The following EIF4G1 variants were observed in gnomAD, a reference collection of about 807,000 sequenced individuals.
The protein encoded by EIF4G1 is eukaryotic translation initiation factor 4 gamma 1.
Under a neutral mutation model 187.8 loss-of-function variants are expected in EIF4G1, and 4 were observed. The observed-to-expected ratio is 0.02, with a 90% confidence interval of 0.01 to 0.05. EIF4G1 has a LOEUF of 0.05. Among genes scored for constraint, EIF4G1 ranks in the 10% least tolerant of loss-of-function variants. The probability of loss-of-function intolerance (pLI) is 1.00; values close to 1 mark genes in which losing one functional copy is unlikely to be tolerated. For synonymous variants in EIF4G1, 844 were observed against 781.4 expected (o/e 1.08, Z -1.34); for missense variants, 1,647 against 2,081.1 (o/e 0.79, Z 4.06).
At chr3:184,320,857 G>A (rs746599736) in intron 8 of EIF4G1, 70 bp from the exon 9 acceptor site, 1 of 1,609,260 alleles carries the variant, frequency 6.2e-7, no homozygotes, top group Non-Finnish European at 8.5e-7. Flanking sequence ...AGCTAAAGTA[G>A]AAATGGCTCT....
At position 184,326,516 on chromosome 3, in the gene EIF4G1, T is replaced by G. The variant is rs763857658; in HGVS notation, c.3223-11T>G. On this transcript the variant is annotated splice_polypyrimidine_tract_variant and intron_variant, in intron 21 of 32. Transcript: ENST00000346169. The stretch of plus-strand genomic sequence containing the variant: ...TTGGACCTATGATTCTACTCCCCTT[T>G]TCTTCTTCAGCCTGGCTCCATCGAT... 6.2e-7 allele frequency: 1 copy of G among 1,613,714 alleles called. No homozygotes were observed. The highest frequency in any genetic ancestry group is 1.3e-5 in the African/African-American group (1 of 75,050).
At position 184,323,632 on chromosome 3, in the gene EIF4G1, TCTC is replaced by T. The variant is rs771363328; in HGVS notation, c.2274+41_2274+43del. On this transcript the variant is annotated intron_variant, in intron 15 of 32. Coordinates refer to ENST00000346169, the MANE Select transcript of EIF4G1 (RefSeq NM_198241.3). This position sits in a 1 kb window ranked among gnomAD's most constrained non-coding sequence, Gnocchi z 6.9. ...CTGCTTTTGGTCTCTCTCCATTTCT[TCTC>T]CAGGTCTGCCATCTGTGCCCTCTTT... The T allele has an allele frequency of 9.5e-5, 154 of 1,613,144 alleles. 1 individual carries two copies. The African/African-American group carries it at 1.7e-3, about 18-fold the overall frequency.
chr3:184,328,106 G>A (rs746137166), intron 26 of EIF4G1, 104 bp downstream of exon 26: 62 of 1,376,936 alleles, frequency 4.5e-5, no homozygotes, highest in Non-Finnish European at 5.3e-5. Flanking sequence ...TTCCCTGGCC[G>A]GGTGTGGTGG....
intron 6 of EIF4G1, among the ~76,000 whole-genome samples, chr3:184,318,998 C>T (rs552644191): frequency 3.9e-4 from 59 of 151,096 alleles, no homozygotes; most frequent in Non-Finnish European, 6.9e-4. Context: ...CGCTTGAACC[C>T]GGGATGTGGA....
chr3:184,334,724 C>T lies in EIF4G1; in HGVS notation c.4619-3C>T. ...CTCTAACTGCTGTCCCGCCTGCTTG[C>T]AGACCTGCTGCGGATGTTCTTTGAC... is the stretch of plus-strand genomic sequence containing the variant. On this transcript the variant is annotated splice_region_variant and splice_polypyrimidine_tract_variant and intron_variant, in intron 32 of 32. Coordinates refer to ENST00000346169, the MANE Select transcript of EIF4G1 (RefSeq NM_198241.3). The surrounding 1 kb of genome is among the most constrained non-coding windows in gnomAD (Gnocchi z 5.8). The T allele has an allele frequency of 6.2e-7, 1 of 1,614,186 alleles. No individual in the cohort carries two copies. Among genetic ancestry groups the T allele is most frequent in the Non-Finnish European group, 8.5e-7 (1 of 1,180,026 alleles).
Position 184,331,969 on chromosome 3 carries a change from G to A in EIF4G1, c.4501G>A (p.Val1501Ile), listed in dbSNP as rs1365874106. 5.0e-6 allele frequency: 8 copies of A among 1,614,062 alleles called. No homozygotes were observed. The highest frequency in any genetic ancestry group is 1.1e-5 in the South Asian group (1 of 91,086). Residue 1501 changes from valine to isoleucine, a missense_variant, in exon 32 of 33, where the codon GTT (valine) becomes ATT (isoleucine). By Grantham distance (29) the Val-to-Ile change is conservative. This residue lies in a region of EIF4G1 where 543 missense variants were observed against 638.0 expected (regional missense o/e 0.85). Transcript: ENST00000346169. Reference sequence around the variant, plus strand: ...AGTTGAGACTCCCCTCCGAGTGGACGTTGCAGTGCTGAAAGCGCGAGCGAA... The same window carrying A: ...AGTTGAGACTCCCCTCCGAGTGGACATTGCAGTGCTGAAAGCGCGAGCGAA... Reference protein sequence around the residue: ...IIFETPLRVDVAVLKARAKLL... With the variant: ...IIFETPLRVDIAVLKARAKLL...
chr3:184,327,440 G>T lies in EIF4G1; in HGVS notation c.3653G>T (p.Arg1218Leu). ...ASLTEDRDRG[R>L]DAVKREAALP... ...CTCACGGAGGATCGGGACCGTGGGC[G>T]GGATGCCGGTGAGAGTCTGGGAGAG... The change falls in exon 24 of 33, where the codon CGG becomes CTG. Residue 1218 changes from arginine (R) to leucine (L), a missense_variant. Transcript: ENST00000346169. The T allele has an allele frequency of 6.2e-7, 1 of 1,613,592 alleles. No individual in the cohort carries two copies. The highest frequency in any genetic ancestry group is 8.5e-7 in the Non-Finnish European group (1 of 1,179,908).
chr3:184,331,198 G>T, intron 28 of EIF4G1, 68 bp from the exon 29 acceptor site: 1 of 1,510,856 alleles, frequency 6.6e-7, no homozygotes, highest in East Asian at 2.3e-5. Flanking sequence ...TTGGATTAAT[G>T]TGGTAGAGCT....
Position 184,321,550 on chromosome 3 carries a change from A to T in EIF4G1, c.966A>T (p.Glu322Asp). 6.2e-7 allele frequency: 1 copy of T among 1,614,210 alleles called. No homozygotes were observed. The highest frequency in any genetic ancestry group is 8.5e-7 in the Non-Finnish European group (1 of 1,180,034). ...CTCCAGAACCCACTCCTCTCGCCGA[A>T]CCCATACTGGAAGTAGAAGTGACAC... ...RLSPEPTPLA[E>D]PILEVEVTLS... The change falls in exon 10 of 33, where the codon GAA (glutamate) becomes GAT (aspartate). Residue 322 changes from glutamate (E) to aspartate (D), a missense_variant. By Grantham distance (45) the Glu-to-Asp change is conservative (BLOSUM62 2). Transcript: ENST00000346169.
rs137991427 is a variant in EIF4G1 at position 184,333,074 on chromosome 3, A to G, written c.4618+988A>G. Among the ~76,000 whole-genome samples, 4 of 152,228 alleles carry G rather than the reference A, an allele frequency of 2.6e-5. No individual in the cohort carries two copies. The East Asian group carries it at 5.8e-4, about 22-fold the overall frequency. On this transcript the variant is annotated intron_variant, in intron 32 of 32. Coordinates refer to ENST00000346169, the MANE Select transcript of EIF4G1 (RefSeq NM_198241.3). ...CACCAGTGGCTCAGCCTTGCTGGTGATGGTGGAGAGGAGTAGGCAGATCAA... is the reference window on the plus strand; with the variant it reads ...CACCAGTGGCTCAGCCTTGCTGGTGGTGGTGGAGAGGAGTAGGCAGATCAA...
Position 184,317,708 on chromosome 3 carries a change from C to T in EIF4G1, c.325-9C>T. 2 of 1,612,118 alleles carry T rather than the reference C, an allele frequency of 1.2e-6. No homozygotes were observed. Among genetic ancestry groups the T allele is most frequent in the South Asian group, 1.1e-5 (1 of 91,040 alleles). On this transcript the variant is annotated splice_polypyrimidine_tract_variant and intron_variant, in intron 5 of 32. Coordinates refer to ENST00000346169, the MANE Select transcript of EIF4G1 (RefSeq NM_198241.3). ...AACTCCTTCTCTCCCTCTCCCCCTT[C>T]CCCACCAGGGGCGTTCCACATACGT...
In EIF4G1 at chr3:184,323,194, C is replaced by T. The variant is rs764849209; in HGVS notation, c.2041C>T (p.Arg681Cys). ...ANLGRTTLST[R>C]GPPRGGPGGE... ...CCTTGGCCGGACAACCCTTAGCACC[C>T]GTGGGCCCCCAAGGGGTGGGCCAGG... Residue 681 changes from arginine (R) to cysteine (C), a missense_variant, in exon 14 of 33, where the codon CGT (arginine) becomes TGT (cysteine). Arg to Cys is a radical substitution (Grantham distance 180, BLOSUM62 -3). Transcript: ENST00000346169. This position sits in a 1 kb window ranked among gnomAD's most constrained non-coding sequence, Gnocchi z 6.9. The T allele has an allele frequency of 6.2e-6, 10 of 1,614,210 alleles. No individual in the cohort carries two copies. The highest frequency in any genetic ancestry group is 1.3e-5 in the African/African-American group (1 of 75,074).
Position 184,321,837 on chromosome 3 carries a change from T to C in EIF4G1, c.1253T>C (p.Val418Ala). 6.2e-7 allele frequency: 1 copy of C among 1,614,042 alleles called. No individual in the cohort carries two copies. Among genetic ancestry groups the C allele is most frequent in the Non-Finnish European group, 8.5e-7 (1 of 1,180,024 alleles). The stretch of plus-strand genomic sequence containing the variant: ...CCACCAGCTGTGGACTTAAGCCCAG[T>C]CAGTGAGCCAGAGGAGCAGGCCAAG... ...PSPPAVDLSP[V>A]SEPEEQAKEV... The change falls in exon 10 of 33, where the codon GTC (valine) becomes GCC (alanine). Residue 418 changes from valine to alanine, a missense_variant. Coordinates refer to ENST00000346169, the MANE Select transcript of EIF4G1 (RefSeq NM_198241.3).
chr3:184,326,328 C>T (rs888433492), intron 21 of EIF4G1, among the ~76,000 whole-genome samples, 199 bp from the exon 22 acceptor site: 3 of 152,212 alleles, frequency 2.0e-5, no homozygotes, highest in Non-Finnish European at 4.4e-5. Context: ...ACAGTCACAG[C>T]ATGCCTTTAT....
intron 3 of EIF4G1, 56 bp from the exon 4 acceptor site, chr3:184,316,076 G>T (rs1290600918): frequency 6.2e-7 from 1 of 1,609,656 alleles, no homozygotes; most frequent in Non-Finnish European, 8.5e-7. Flanking sequence ...CACCAGCTTG[G>T]GTTTCTGCCC....
At chr3:184,317,532 A>G (rs1381733249) in intron 5 of EIF4G1, 35 bp downstream of exon 5, 3 of 1,611,910 alleles carry the variant, frequency 1.9e-6, no homozygotes, top group Non-Finnish European at 2.5e-6. Context: ...GAAGCCACAG[A>G]CCCCTATACC....
Position 184,322,698 on chromosome 3 carries a change from A to G in EIF4G1, c.1763A>G (p.Gln588Arg), listed in dbSNP as rs747836331. 1.8e-5 allele frequency: 29 copies of G among 1,614,112 alleles called. No individual in the cohort carries two copies. The highest frequency in any genetic ancestry group is 1.4e-5 in the Non-Finnish European group (16 of 1,180,054). Residue 588 changes from glutamine (Q) to arginine (R), a missense_variant, in exon 12 of 33, where the codon CAG becomes CGG. Physicochemically the swap from Gln to Arg is conservative, Grantham distance 43. Around this residue, in one of 11 missense-constraint regions of EIF4G1, gnomAD observed 522 missense variants for 485.2 expected, o/e 1.08. Transcript: ENST00000346169. ...AAAATTCACAATGCTGAGAACATCCAGCCCGGGGAACAGAAGTATGAATAT... is the reference window on the plus strand; with the variant it reads ...AAAATTCACAATGCTGAGAACATCCGGCCCGGGGAACAGAAGTATGAATAT... ...EDKIHNAENI[Q>R]PGEQKYEYKS...
chr3:184,326,478 G>A (rs977451262), intron 21 of EIF4G1, 49 bp from the exon 22 acceptor site: 1 of 1,601,558 alleles, frequency 6.2e-7, no homozygotes, highest in South Asian at 1.1e-5. Flanking sequence ...GCTGGCCAAG[G>A]GACTCAGCCG....
At chr3:184,327,733 G>C in intron 25 of EIF4G1, 29 bp downstream of exon 25, 1 of 1,613,434 alleles carries the variant, frequency 6.2e-7, no homozygotes, top group Non-Finnish European at 8.5e-7. Context: ...GTGTGATTGA[G>C]GAGTGGGCAG....
Sources: allele counts gnomAD v4.1 joint callset (sites outside exome capture counted in the v4.1 genomes callset), GRCh38; gene constraint gnomAD v4.1.1; regional missense constraint gnomAD v4.1.1; non-coding constraint Gnocchi (gnomAD v3.1); transcripts MANE v1.5; gene names NCBI Gene and HGNC (gene_info 2026-07-23, HGNC 2026-07-21).